The following AGBL4 variants were observed in gnomAD, a reference collection of about 807,000 sequenced individuals.
The protein encoded by AGBL4 is cytosolic carboxypeptidase 6.
A neutral mutation model predicts 66.4 loss-of-function variants in AGBL4; 58 were observed. The ratio of observed to expected loss-of-function variants is 0.87; its 90% confidence interval spans 0.71 to 1.09. AGBL4 has a LOEUF of 1.09. Among genes scored for constraint, AGBL4 ranks in the 50% least tolerant of loss-of-function variants. The pLI is 0.00. For missense variants in AGBL4, 579 were observed against 631.0 expected (o/e 0.92, Z 0.88); for synonymous variants, 234 against 222.9 (o/e 1.05, Z -0.44).
chr1:49,784,054 G>C (rs893836869), intron 2 of AGBL4, among the ~76,000 whole-genome samples: 1 of 152,048 alleles, frequency 6.6e-6, no homozygotes, highest in Non-Finnish European at 1.5e-5. Context: ...TTAATATTAA[G>C]ATGGCAGTAC....
At chr1:49,389,518 G>A (rs150648349) in intron 3 of AGBL4, among the ~76,000 whole-genome samples, 2 of 152,210 alleles carry the variant, frequency 1.3e-5, no homozygotes, top group African/African-American at 4.8e-5. Context: ...GTATTAAAAC[G>A]TGGCTTCTTG....
chr1:49,474,055 G>T (rs1646800876), intron 3 of AGBL4, among the ~76,000 whole-genome samples: 1 of 152,012 alleles, frequency 6.6e-6, no homozygotes, highest in Non-Finnish European at 1.5e-5. Context: ...TTTGAAGTCA[G>T]GTAACATGAT....
chr1:49,761,586 T>C (rs1652320403), intron 2 of AGBL4, among the ~76,000 whole-genome samples: 1 of 152,220 alleles, frequency 6.6e-6, no homozygotes, highest in Non-Finnish European at 1.5e-5. Flanking sequence ...CACATTGTAA[T>C]TGTAGATATT....
intron 3 of AGBL4, among the ~76,000 whole-genome samples, chr1:49,455,241 C>A (rs773820828): frequency 2.0e-5 from 3 of 151,604 alleles, no homozygotes; most frequent in Non-Finnish European, 3.0e-5. Context: ...CAGACATAGG[C>A]AAAATTAAGT....
At chr1:48,600,372 A>G (rs1645056729) in intron 9 of AGBL4, among the ~76,000 whole-genome samples, 1 of 152,130 alleles carries the variant, frequency 6.6e-6, no homozygotes, top group Non-Finnish European at 1.5e-5. Context: ...AGGGGCAGGC[A>G]CTCATTAATC....
Position 48,736,408 on chromosome 1 carries a change from G to T in AGBL4, c.635-73167C>A. ...AATCTCCTTGGGTTACTTGTAGCTG[G>T]TGCCATTTCTCCTCATCAACCCAAA... On this transcript the variant is annotated intron_variant, in intron 6 of 13. Transcript: ENST00000371839. This position sits in a 1 kb window ranked among gnomAD's most constrained non-coding sequence, Gnocchi z 4.0. 1.2e-6 allele frequency: 2 copies of T among 1,614,062 alleles called. No homozygotes were observed. Among genetic ancestry groups the T allele is most frequent in the South Asian group, 1.1e-5 (1 of 91,082 alleles).
At chr1:49,126,758 T>C (rs1645772681) in intron 4 of AGBL4, among the ~76,000 whole-genome samples, 1 of 152,146 alleles carries the variant, frequency 6.6e-6, no homozygotes, top group African/African-American at 2.4e-5. Context: ...AGATTGTAAA[T>C]GATTTTCCTA....
At chr1:49,665,991 A>G (rs1357271685) in intron 3 of AGBL4, among the ~76,000 whole-genome samples, 1 of 151,240 alleles carries the variant, frequency 6.6e-6, no homozygotes, top group Non-Finnish European at 1.5e-5. Flanking sequence ...AAATATTTTA[A>G]TATTTTTAAA....
intron 3 of AGBL4, among the ~76,000 whole-genome samples, chr1:49,283,659 C>T (rs866512142): frequency 6.6e-6 from 1 of 151,120 alleles, no homozygotes; most frequent in African/African-American, 2.4e-5. Context: ...ATAACCAATA[C>T]AGAGAAGTGC....
intron 4 of AGBL4, among the ~76,000 whole-genome samples, chr1:49,163,792 A>G (rs1011799867): frequency 6.6e-6 from 1 of 152,194 alleles, no homozygotes; most frequent in Admixed American, 6.6e-5. Context: ...CAAGAAAGGC[A>G]TGATGGAGAG....
chr1:49,070,936 A>G (rs1244175154), intron 4 of AGBL4, among the ~76,000 whole-genome samples: 2 of 151,968 alleles, frequency 1.3e-5, no homozygotes, highest in African/African-American at 4.8e-5. Context: ...TTATTGGTCT[A>G]TTCAGAGATT....
chr1:49,500,138 AT>A (rs1360540036), intron 3 of AGBL4, among the ~76,000 whole-genome samples: 2 of 151,876 alleles, frequency 1.3e-5, no homozygotes, highest in East Asian at 3.9e-4. Context: ...GATGGTGAGC[AT>A]TTTTTCATAT....
chr1:48,607,619 C>A (rs748538288), intron 9 of AGBL4, among the ~76,000 whole-genome samples: 1 of 151,964 alleles, frequency 6.6e-6, no homozygotes, highest in Non-Finnish European at 1.5e-5. Context: ...ACTCCATCCC[C>A]CCACCCCCAG....
chr1:49,481,681 G>A (rs893906202), intron 3 of AGBL4, among the ~76,000 whole-genome samples: 2 of 151,876 alleles, frequency 1.3e-5, no homozygotes, highest in African/African-American at 4.8e-5. Flanking sequence ...AGTGGTGAGA[G>A]AGGGCATCCT....
intron 3 of AGBL4, among the ~76,000 whole-genome samples, chr1:49,510,899 T>C (rs901865089): frequency 2.7e-5 from 4 of 149,826 alleles, no homozygotes; most frequent in Non-Finnish European, 5.9e-5. Context: ...GTTGTAGATA[T>C]GCGGCGTTAT....
chr1:48,882,563 AAAGT>A (rs1417336522), intron 5 of AGBL4, among the ~76,000 whole-genome samples: 4 of 152,182 alleles, frequency 2.6e-5, no homozygotes, highest in African/African-American at 7.2e-5. Context: ...TACCACAAAA[AAAGT>A]AAGTATGTGA....
At chr1:49,860,895 G>C (rs1012626193) in intron 1 of AGBL4, among the ~76,000 whole-genome samples, 2 of 152,056 alleles carry the variant, frequency 1.3e-5, no homozygotes, top group African/African-American at 4.8e-5. Context: ...CACTGAAAGA[G>C]GCACTGAAGA....
intron 5 of AGBL4, among the ~76,000 whole-genome samples, chr1:48,999,076 T>C (rs915318231): frequency 2.0e-5 from 3 of 152,212 alleles, no homozygotes; most frequent in Non-Finnish European, 4.4e-5. Flanking sequence ...TTCAAGGTAA[T>C]GAGTTCCTTG....
chr1:48,573,851 T>C (rs993386079), intron 11 of AGBL4, among the ~76,000 whole-genome samples: 7 of 152,222 alleles, frequency 4.6e-5, no homozygotes, highest in African/African-American at 1.7e-4. Context: ...ATGTTCCAGG[T>C]AATCTATTAG....
Sources: gnomAD v4.1 joint callset for allele counts (sites outside exome capture counted in the v4.1 genomes callset) on GRCh38, gnomAD v4.1.1 for gene constraint, Gnocchi (gnomAD v3.1) non-coding constraint, MANE v1.5 for transcripts, NCBI Gene and HGNC (gene_info 2026-07-23, HGNC 2026-07-21) for gene names.